PRKRA: variants seen among roughly 807,000 people sequenced by gnomAD.
The protein encoded by PRKRA is interferon-inducible double-stranded RNA-dependent protein kinase activator A.
Under a neutral mutation model 32.4 loss-of-function variants are expected in PRKRA, and 22 were observed. That is an observed-to-expected ratio of 0.68 (90% CI 0.49 to 0.97). The LOEUF (loss-of-function observed/expected upper bound fraction) is 0.97. PRKRA is among the 50% of genes least tolerant of loss of function. The pLI is 0.00. For synonymous variants in PRKRA, 139 were observed against 129.8 expected (o/e 1.07, Z -0.48); for missense variants, 319 against 375.6 (o/e 0.85, Z 1.25).
intron 5 of PRKRA, among the ~76,000 whole-genome samples, chr2:178,442,472 T>C (rs1228339708): frequency 1.3e-5 from 2 of 152,170 alleles, no homozygotes; most frequent in African/African-American, 2.4e-5. Context: ...AGTTGAAAGA[T>C]ACCATAAATA....
intron 2 of PRKRA, among the ~76,000 whole-genome samples, chr2:178,449,435 C>T (rs188748946): frequency 4.6e-5 from 7 of 152,338 alleles, no homozygotes; most frequent in Admixed American, 3.3e-4. Context: ...AGCCTTCCTA[C>T]TAAATTTTTT....
rs1275352872 is a variant in PRKRA, at chr2:178,450,885, C to T, written c.65+81G>A. 12 of 1,246,048 alleles carry T rather than the reference C, an allele frequency of 9.6e-6. 1 individual carries two copies. In the African/African-American group the frequency reaches 1.0e-4, roughly 11 times the overall value. 77.2% of individuals were successfully genotyped at this position (1,246,048 alleles called of 1,614,324 possible). A position where few individuals can be genotyped will look rare whatever the true frequency, so the allele number is the denominator to read the frequency against. On this transcript the variant is annotated intron_variant, in intron 1 of 7. Coordinates refer to ENST00000325748, the MANE Select transcript of PRKRA (RefSeq NM_003690.5). ...CCGGGCACGGCTTTACCCAGAATGCCTCTGGAGGGCCGGCTCCCCGCGCCC... is the reference window on the plus strand; with the variant it reads ...CCGGGCACGGCTTTACCCAGAATGCTTCTGGAGGGCCGGCTCCCCGCGCCC...
intron 7 of PRKRA, among the ~76,000 whole-genome samples, chr2:178,432,477 A>G (rs1465644209): frequency 1.3e-5 from 2 of 152,246 alleles, no homozygotes; most frequent in African/African-American, 4.8e-5. Context: ...ACAGTGTTAA[A>G]GACATACAGA....
At chr2:178,444,598 CTT>C in intron 3 of PRKRA, 98 bp from the exon 4 acceptor site, 8 of 959,324 alleles carry the variant, frequency 8.3e-6, no homozygotes, top group Non-Finnish European at 1.3e-5. Flanking sequence ...TGTCTTTGCT[CTT>C]GTCATTCCTT....
intron 7 of PRKRA, among the ~76,000 whole-genome samples, chr2:178,435,116 C>A (rs1383925024): frequency 1.3e-5 from 2 of 151,874 alleles, no homozygotes; most frequent in African/African-American, 4.8e-5. Flanking sequence ...ACTCAGGAGG[C>A]TGAGGCAGGA....
chr2:178,431,823 GTTTC>G lies in PRKRA; in HGVS notation c.*270_*273del. Reference sequence around the variant, plus strand: ...TTTCATCATCAACAACAAACATGCAGTTTCTTTCTCTGATGTGCATGGCACTGTA... The same window carrying G: ...TTTCATCATCAACAACAAACATGCAGTTTCTCTGATGTGCATGGCACTGTA... On this transcript the variant is annotated 3_prime_UTR_variant, in exon 8 of 8. Transcript: ENST00000325748. The G allele has an allele frequency of 4.2e-6, 2 of 470,748 alleles. No individual in the cohort carries two copies. Among genetic ancestry groups the G allele is most frequent in the Non-Finnish European group, 7.7e-6 (2 of 259,832 alleles). The allele number at this position is 470,748 out of a possible 1,614,324, so 29.2% of individuals were successfully genotyped here.
chr2:178,445,284 A>G (rs1697275284), intron 3 of PRKRA: 1 of 152,190 alleles, frequency 6.6e-6, no homozygotes, highest in Non-Finnish European at 1.5e-5. Flanking sequence ...CGGCATTTCA[A>G]GGTTAGTACC....
chr2:178,434,626 A>C (rs1386049478), intron 7 of PRKRA, among the ~76,000 whole-genome samples: 1 of 151,834 alleles, frequency 6.6e-6, no homozygotes, highest in Non-Finnish European at 1.5e-5. Context: ...GTCTGCACTG[A>C]CTTCCCAGGT....
chr2:178,442,417 T>C (rs564273987), intron 5 of PRKRA, among the ~76,000 whole-genome samples: 1 of 152,312 alleles, frequency 6.6e-6, no homozygotes, highest in East Asian at 1.9e-4. Context: ...GACGATTATA[T>C]GAAATTCCTT....
intron 4 of PRKRA, chr2:178,443,688 A>C (rs1697204579): frequency 3.3e-6 from 1 of 306,308 alleles, no homozygotes; most frequent in Non-Finnish European, 6.4e-6. Context: ...TGGCAACACC[A>C]GAGGAGACCA....
intron 7 of PRKRA, among the ~76,000 whole-genome samples, chr2:178,435,759 T>G (rs1461603682): frequency 6.6e-6 from 1 of 152,238 alleles, no homozygotes; most frequent in East Asian, 1.9e-4. Context: ...ACTAGCTATG[T>G]GATCTTGGGC....
chr2:178,441,515 A>G (rs2154125039), intron 6 of PRKRA, 95 bp downstream of exon 6: 2 of 759,538 alleles, frequency 2.6e-6, no homozygotes, highest in Non-Finnish European at 4.0e-6. Context: ...AAAAATCACA[A>G]CTCTGAAGTA....
chr2:178,432,846 G>A (rs1696725806), intron 7 of PRKRA, among the ~76,000 whole-genome samples: 2 of 152,128 alleles, frequency 1.3e-5, no homozygotes, highest in Admixed American at 1.3e-4. Context: ...TTAAGTCTGT[G>A]CAGAGTCTAG....
At chr2:178,450,721 G>A (rs1179498408) in intron 1 of PRKRA, 2 of 1,377,756 alleles carry the variant, frequency 1.5e-6, no homozygotes, top group South Asian at 1.8e-5. Flanking sequence ...ATCCCTTCCC[G>A]GGCGCGCCGA....
intron 3 of PRKRA, 137 bp from the exon 4 acceptor site, chr2:178,444,637 C>G (rs1036436456): frequency 1.4e-4 from 104 of 726,250 alleles, no homozygotes; most frequent in Non-Finnish European, 2.9e-5. Flanking sequence ...TTTCTCAGAC[C>G]TCTTCTATGG....
intron 2 of PRKRA, among the ~76,000 whole-genome samples, chr2:178,448,521 A>G (rs1697403998): frequency 6.6e-6 from 1 of 152,152 alleles, no homozygotes; most frequent in African/African-American, 2.4e-5. Context: ...TGCAGGCTGT[A>G]GCGGAGGTTG....
intron 6 of PRKRA, among the ~76,000 whole-genome samples, chr2:178,438,019 C>T (rs1696970576): frequency 6.6e-6 from 1 of 152,098 alleles, no homozygotes; most frequent in Admixed American, 6.5e-5. Flanking sequence ...TACAAAAGAG[C>T]TTTAAAGGTA....
rs574367993 is a variant in PRKRA at position 178,448,591 on chromosome 2, C to CA, written c.236-1006dup. ...TGGGTGACAGAGTGAGACCCTGTCT[C>CA]AAAAAAAAAAGAATGAACACTGGTT... On this transcript the variant is annotated intron_variant, in intron 2 of 7. Transcript: ENST00000325748. Among the ~76,000 whole-genome samples, 1,104 of 144,190 alleles carry CA rather than the reference C, an allele frequency of 7.7e-3. 8 individuals are homozygous for CA. The highest frequency in any genetic ancestry group is 0.011 in the Non-Finnish European group (706 of 65,620). The allele number at this position is 144,190 out of a possible 152,430, so 94.6% of individuals were successfully genotyped here.
intron 5 of PRKRA, among the ~76,000 whole-genome samples, chr2:178,442,806 G>C (rs1024744347): frequency 1.3e-5 from 2 of 152,188 alleles, no homozygotes; most frequent in Non-Finnish European, 2.9e-5. Flanking sequence ...TTATAACATA[G>C]AAGTTGCTAT....
Sources: allele counts gnomAD v4.1 joint callset (sites outside exome capture counted in the v4.1 genomes callset), GRCh38; gene constraint gnomAD v4.1.1; transcripts MANE v1.5; gene names NCBI Gene and HGNC (gene_info 2026-07-23, HGNC 2026-07-21).